The following ATG5 variants were observed in gnomAD, a reference collection of about 807,000 sequenced individuals.
ATG5 encodes the protein autophagy related 5, also known as autophagy protein 5.
A neutral mutation model predicts 36.5 loss-of-function variants in ATG5; 14 were observed. That is an observed-to-expected ratio of 0.38 (90% CI 0.25 to 0.60). ATG5 has a LOEUF of 0.60. ATG5 is among the 20% of genes least tolerant of loss of function. ATG5 has a pLI of 0.60. For missense variants in ATG5, 195 were observed against 326.7 expected, an observed-to-expected ratio of 0.60 and a Z score of 3.11; for synonymous variants, 95 against 101.5, an observed-to-expected ratio of 0.94 and a Z score of 0.38.
chr6:106,247,962 C>T (rs1778413120), intron 6 of ATG5, among the ~76,000 whole-genome samples, 188 bp downstream of exon 6: 2 of 152,070 alleles, frequency 1.3e-5, no homozygotes, highest in Middle Eastern at 3.2e-3. Context: ...ATAATGAGTA[C>T]CAAATGCATA....
chr6:106,320,419 G>A (rs1273613157), intron 1 of ATG5, among the ~76,000 whole-genome samples: 2 of 152,144 alleles, frequency 1.3e-5, no homozygotes, highest in Admixed American at 1.3e-4. Flanking sequence ...CATCAATAAA[G>A]GTATTAAGTG....
chr6:106,225,085 A>AATTTAATTTATTATGTGCC (rs1405667847), intron 6 of ATG5, among the ~76,000 whole-genome samples: 4 of 152,234 alleles, frequency 2.6e-5, no homozygotes, highest in African/African-American at 9.6e-5. Flanking sequence ...TATAGTGTGC[A>AATTTAATTTATTATGTGCC]ATTTAATTTA....
At chr6:106,240,147 G>A (rs1012621774) in intron 6 of ATG5, among the ~76,000 whole-genome samples, 6 of 151,748 alleles carry the variant, frequency 4.0e-5, no homozygotes, top group East Asian at 1.9e-4. Context: ...GTGCCACTAC[G>A]CCTGGCTAAG....
intron 5 of ATG5, among the ~76,000 whole-genome samples, chr6:106,249,893 T>C (rs1226606773): frequency 6.6e-6 from 1 of 152,252 alleles, no homozygotes; most frequent in Non-Finnish European, 1.5e-5. Context: ...CAATGGCCAT[T>C]TGTGCATCTT....
intron 5 of ATG5, among the ~76,000 whole-genome samples, chr6:106,271,152 T>C (rs775814906): frequency 6.6e-6 from 1 of 152,210 alleles, no homozygotes; most frequent in Non-Finnish European, 1.5e-5. Context: ...CTTAGATAAT[T>C]TGGTTCTTTC....
chr6:106,319,954 A>G (rs1771000251), intron 1 of ATG5, among the ~76,000 whole-genome samples: 1 of 152,254 alleles, frequency 6.6e-6, no homozygotes, highest in South Asian at 2.1e-4. Flanking sequence ...ATTAGTTAAC[A>G]GTAGATTATA....
chr6:106,289,645 C>A (rs948687025), intron 4 of ATG5, among the ~76,000 whole-genome samples: 1 of 150,186 alleles, frequency 6.7e-6, no homozygotes, highest in Non-Finnish European at 1.5e-5. Flanking sequence ...GATATTTACA[C>A]TAGAAATTAG....
intron 6 of ATG5, among the ~76,000 whole-genome samples, chr6:106,212,865 C>A (rs554246502): frequency 4.6e-5 from 7 of 152,126 alleles, no homozygotes; most frequent in South Asian, 4.1e-4. Context: ...AACAAAAAAA[C>A]CCCAAGCATA....
intron 6 of ATG5, among the ~76,000 whole-genome samples, chr6:106,207,365 A>T (rs961707209): frequency 6.6e-6 from 1 of 152,208 alleles, no homozygotes; most frequent in African/African-American, 2.4e-5. Context: ...GTATTTTCTT[A>T]AATAGTTCAA....
At position 106,199,694 on chromosome 6, in the gene ATG5, GA is replaced by G. The variant is rs1287831653; in HGVS notation, c.691+2277del. 3.9e-5 allele frequency among the ~76,000 whole-genome samples: 6 copies of G among 152,056 alleles called. No homozygotes were observed. The East Asian group carries it at 1.2e-3, about 29-fold the overall frequency. Reference sequence around the variant, plus strand: ...AAATTATTTAACTAAAACTCTTATTGAAAGCTAAAATTACACAGTAGTAAAG... The same window carrying G: ...AAATTATTTAACTAAAACTCTTATTGAAGCTAAAATTACACAGTAGTAAAG... On this transcript the variant is annotated intron_variant, in intron 7 of 7. Coordinates refer to ENST00000369076, the MANE Select transcript of ATG5 (RefSeq NM_004849.4).
chr6:106,318,916 G>A (rs900604220), intron 1 of ATG5, among the ~76,000 whole-genome samples: 9 of 152,124 alleles, frequency 5.9e-5, no homozygotes, highest in African/African-American at 1.9e-4. Context: ...TAAAACTAAA[G>A]GATGTTAAGT....
chr6:106,278,555 C>T (rs1268472580), intron 5 of ATG5, among the ~76,000 whole-genome samples: 1 of 152,284 alleles, frequency 6.6e-6, no homozygotes, highest in African/African-American at 2.4e-5. Flanking sequence ...AGTAAGTTCC[C>T]CTGGCTGCAT....
At chr6:106,215,350 C>T (rs1776995033) in intron 6 of ATG5, among the ~76,000 whole-genome samples, 1 of 152,172 alleles carries the variant, frequency 6.6e-6, no homozygotes, top group Admixed American at 6.5e-5. Flanking sequence ...ACAGTCTCAC[C>T]TACCCTCACC....
chr6:106,281,085 T>C (rs964858085), intron 4 of ATG5, among the ~76,000 whole-genome samples: 2 of 152,016 alleles, frequency 1.3e-5, no homozygotes, highest in African/African-American at 4.8e-5. Flanking sequence ...ATAAAAAGAA[T>C]GAAATGAAAA....
chr6:106,246,625 A>C (rs1658013529), intron 6 of ATG5, among the ~76,000 whole-genome samples: 1 of 152,204 alleles, frequency 6.6e-6, no homozygotes, highest in Admixed American at 6.5e-5. Context: ...AGGAGTTTAA[A>C]GAAGTTACAG....
At chr6:106,237,241 AG>A (rs1418472273) in intron 6 of ATG5, among the ~76,000 whole-genome samples, 8 of 152,230 alleles carry the variant, frequency 5.3e-5, no homozygotes, top group African/African-American at 1.9e-4. Flanking sequence ...ACCCAATAAG[AG>A]GAAAGAAAGT....
intron 7 of ATG5, among the ~76,000 whole-genome samples, chr6:106,187,753 T>C (rs1775828356): frequency 6.6e-6 from 1 of 152,184 alleles, no homozygotes; most frequent in Non-Finnish European, 1.5e-5. Flanking sequence ...GCTGATGATG[T>C]ATGGTGATAA....
At chr6:106,226,769 A>C (rs1777466128) in intron 6 of ATG5, among the ~76,000 whole-genome samples, 1 of 152,170 alleles carries the variant, frequency 6.6e-6, no homozygotes, top group African/African-American at 2.4e-5. Flanking sequence ...GAAATTATAG[A>C]GATAAATAGG....
chr6:106,280,763 TA>T (rs1276033204), intron 4 of ATG5, among the ~76,000 whole-genome samples: 1 of 152,078 alleles, frequency 6.6e-6, no homozygotes, highest in African/African-American at 2.4e-5. Context: ...ATTTTACAGA[TA>T]AAAAAATTAA....
Sources: gnomAD v4.1 joint callset for allele counts (sites outside exome capture counted in the v4.1 genomes callset) on GRCh38, gnomAD v4.1.1 for gene constraint, MANE v1.5 for transcripts, NCBI Gene and HGNC (gene_info 2026-07-23, HGNC 2026-07-21) for gene names.